Variants in DYTN observed in about 807,000 individuals in gnomAD.
DYTN encodes dystrotelin.
In DYTN, 75 loss-of-function variants were observed where a neutral mutation model predicts 69.6. The ratio of observed to expected loss-of-function variants is 1.08; its 90% confidence interval spans 0.89 to 1.31. The LOEUF (loss-of-function observed/expected upper bound fraction) is 1.31. Ranked by LOEUF, DYTN falls within the 50% of genes most tolerant of loss-of-function variation. The pLI is 0.00. For missense variants in DYTN, 726 were observed against 688.4 expected (o/e 1.05, Z -0.61); for synonymous variants, 252 against 249.1 (o/e 1.01, Z -0.11).
intron 3 of DYTN, among the ~76,000 whole-genome samples, chr2:206,706,731 G>A (rs947756627): frequency 2.6e-5 from 4 of 152,070 alleles, no homozygotes; most frequent in East Asian, 3.9e-4. Flanking sequence ...AAACCAAATC[G>A]AGGAGGGGGC....
chr2:206,708,444 A>G (rs1027486598), intron 2 of DYTN, among the ~76,000 whole-genome samples: 1 of 152,220 alleles, frequency 6.6e-6, no homozygotes, highest in Non-Finnish European at 1.5e-5. Flanking sequence ...TAGCAAGTAT[A>G]ATAAAAATTT....
chr2:206,675,925 A>C (rs990303986), intron 9 of DYTN, among the ~76,000 whole-genome samples: 10 of 152,208 alleles, frequency 6.6e-5, no homozygotes, highest in African/African-American at 2.4e-4. Context: ...AAATGTCTGG[A>C]AACAACAGAT....
At chr2:206,662,354 T>C (rs1699521271) in intron 11 of DYTN, among the ~76,000 whole-genome samples, 1 of 152,086 alleles carries the variant, frequency 6.6e-6, no homozygotes, top group Non-Finnish European at 1.5e-5. Flanking sequence ...TATGTAAAGA[T>C]AACAAAATAC....
intron 9 of DYTN, among the ~76,000 whole-genome samples, chr2:206,670,045 C>G (rs1280496375): frequency 1.3e-5 from 2 of 152,154 alleles, no homozygotes; most frequent in Non-Finnish European, 1.5e-5. Flanking sequence ...GCTAAGAGCT[C>G]AAGAGATGAT....
chr2:206,692,779 G>A (rs773314479), intron 9 of DYTN, among the ~76,000 whole-genome samples: 3 of 151,702 alleles, frequency 2.0e-5, no homozygotes, highest in Non-Finnish European at 2.9e-5. Context: ...TCTGTGAGTG[G>A]TGGTATGCTG....
Position 206,694,794 on chromosome 2 carries a change from G to C in DYTN, c.803C>G (p.Ser268Cys), listed in dbSNP as rs764910729. Residue 268 changes from serine (S) to cysteine (C), a missense_variant, in exon 8 of 12, where the codon TCT (serine) becomes TGT (cysteine). Physicochemically the swap from Ser to Cys is moderately radical, Grantham distance 112. Coordinates refer to ENST00000452335, the MANE Select transcript of DYTN (RefSeq NM_001093730.1). ...AATGCAGTGCTCAATGACAGGATGA[G>C]ACTTCTGATGGGACTTGCTGTGAAG... is the stretch of plus-strand genomic sequence containing the variant. The part of the protein sequence containing the change: ...SGLHSKSHQK[S>C]HPVIEHCIQM... The C allele has an allele frequency of 7.5e-6, 12 of 1,609,248 alleles. No individual in the cohort carries two copies. The highest frequency in any genetic ancestry group is 8.5e-7 in the Non-Finnish European group (1 of 1,178,684).
intron 9 of DYTN, among the ~76,000 whole-genome samples, chr2:206,675,117 G>A (rs370576107): frequency 4.8e-5 from 6 of 124,492 alleles, no homozygotes; most frequent in East Asian, 2.2e-4. Flanking sequence ...ATATATATAT[G>A]TGTGTGTGTG....
rs149082698 is a variant in DYTN, at chr2:206,658,472, C to T, written c.1633+4431G>A. Among the ~76,000 whole-genome samples the T allele has an allele frequency of 6.2e-3, 948 of 151,714 alleles. 11 individuals are homozygous for T. The highest frequency in any genetic ancestry group is 0.021 in the African/African-American group (864 of 41,368). On this transcript the variant is annotated intron_variant, in intron 11 of 11. Coordinates refer to ENST00000452335, the MANE Select transcript of DYTN (RefSeq NM_001093730.1). ...TCAAGACTGGCCTCATACAGAAGAC[C>T]CTTAGCAATCAGCCTGGTCAGAGAT...
chr2:206,679,290 T>C (rs912502743), intron 9 of DYTN: 4 of 152,202 alleles, frequency 2.6e-5, no homozygotes, highest in African/African-American at 7.2e-5. Flanking sequence ...ACCCCCACAA[T>C]AGCAATAAAG....
chr2:206,702,911 G>A (rs996183230), intron 5 of DYTN, among the ~76,000 whole-genome samples: 8 of 152,252 alleles, frequency 5.3e-5, no homozygotes, highest in East Asian at 3.9e-4. Context: ...ATGGCACACC[G>A]GCACAGGCAG....
At chr2:206,675,180 CAT>C (rs1227800165) in intron 9 of DYTN, among the ~76,000 whole-genome samples, 1 of 132,710 alleles carries the variant, frequency 7.5e-6, no homozygotes, top group Non-Finnish European at 1.6e-5. Context: ...TATATATACA[CAT>C]ATATTTAAAT....
chr2:206,708,042 T>C (rs970841922), intron 2 of DYTN, among the ~76,000 whole-genome samples: 18 of 152,350 alleles, frequency 1.2e-4, no homozygotes, highest in Admixed American at 5.2e-4. Context: ...TAAAGATCTT[T>C]AGGCTAAAGA....
chr2:206,666,860 T>TACACACACACACAC (rs35200393), intron 9 of DYTN, among the ~76,000 whole-genome samples: 22 of 137,556 alleles, frequency 1.6e-4, no homozygotes, highest in African/African-American at 5.9e-4. Context: ...ACCTCATCTC[T>TACACACACACACAC]ACACACACAC....
intron 1 of DYTN, among the ~76,000 whole-genome samples, chr2:206,711,132 A>G (rs990797590): frequency 6.6e-6 from 1 of 152,224 alleles, no homozygotes; most frequent in African/African-American, 2.4e-5. Flanking sequence ...ACCAACCACC[A>G]AACTGTTAAC....
chr2:206,704,709 T>C (rs1418813155), intron 5 of DYTN, 134 bp downstream of exon 5: 17 of 705,448 alleles, frequency 2.4e-5, no homozygotes, highest in Non-Finnish European at 4.0e-5. Context: ...GTAACAGCAA[T>C]GGCTATGGAG....
intron 1 of DYTN, among the ~76,000 whole-genome samples, chr2:206,717,589 T>C (rs1317472335): frequency 6.6e-6 from 1 of 152,228 alleles, no homozygotes; most frequent in Admixed American, 6.5e-5. Flanking sequence ...AGCGTATTAA[T>C]ATGAGAGCCC....
At chr2:206,670,325 C>T (rs1699616923) in intron 9 of DYTN, among the ~76,000 whole-genome samples, 1 of 152,102 alleles carries the variant, frequency 6.6e-6, no homozygotes, top group Non-Finnish European at 1.5e-5. Flanking sequence ...AGTCAAAGCT[C>T]CCTTTAACCT....
At chr2:206,718,186 G>A in intron 1 of DYTN, 75 bp downstream of exon 1, 1 of 1,456,068 alleles carries the variant, frequency 6.9e-7, no homozygotes, top group Non-Finnish European at 9.3e-7. Flanking sequence ...TCAAATCAGA[G>A]GTCTGAAAAT....
intron 1 of DYTN, among the ~76,000 whole-genome samples, chr2:206,712,442 A>G (rs1275698898): frequency 6.6e-6 from 1 of 152,200 alleles, no homozygotes; most frequent in Non-Finnish European, 1.5e-5. Context: ...GAGAAAACAT[A>G]CAACCAGACA....
Sources: allele counts gnomAD v4.1 joint callset (sites outside exome capture counted in the v4.1 genomes callset), GRCh38; gene constraint gnomAD v4.1.1; transcripts MANE v1.5; gene names NCBI Gene and HGNC (gene_info 2026-07-23, HGNC 2026-07-21).